The following RNF19A variants were observed in gnomAD, a reference collection of about 807,000 sequenced individuals.
The protein encoded by RNF19A is ring finger protein 19A, RBR E3 ubiquitin protein ligase, also known as E3 ubiquitin-protein ligase RNF19A.
In RNF19A, 32 loss-of-function variants were observed where a neutral mutation model predicts 75.7. The observed-to-expected ratio is 0.42, with a 90% confidence interval of 0.32 to 0.57. RNF19A has a LOEUF of 0.57. Ranked by LOEUF, RNF19A falls within the 20% of genes least tolerant of loss-of-function variation. RNF19A has a pLI of 0.10. For synonymous variants in RNF19A, 335 were observed against 345.2 expected, an observed-to-expected ratio of 0.97 and a Z score of 0.33; for missense variants, 782 against 1,036.3, an observed-to-expected ratio of 0.75 and a Z score of 3.37.
At chr8:100,328,660 C>T (rs979963516) in intron 1 of RNF19A, among the ~76,000 whole-genome samples, 1 of 151,956 alleles carries the variant, frequency 6.6e-6, no homozygotes, top group African/African-American at 2.4e-5. Context: ...TCAGTAGAGA[C>T]GGGGTTTCAC....
chr8:100,329,705 A>G lies in RNF19A; in HGVS notation c.-243+6403T>C, dbSNP rs1260485257. ...AAAGAACTGGTTGTACTTGGCTAAG[A>G]GAGAAAAGACTAGAGCAGAAATGAA... On this transcript the variant is annotated intron_variant, in intron 1 of 3. Coordinates refer to the RNF19A transcript ENST00000519527. The surrounding 1 kb of genome is among the most constrained non-coding windows in gnomAD (Gnocchi z 4.3). 3.9e-5 allele frequency among the ~76,000 whole-genome samples: 6 copies of G among 152,234 alleles called. No homozygotes were observed. Among genetic ancestry groups the G allele is most frequent in the Non-Finnish European group, 7.3e-5 (5 of 68,036 alleles).
intron 5 of RNF19A, among the ~76,000 whole-genome samples, chr8:100,267,179 C>A (rs548405365): frequency 6.6e-6 from 1 of 152,100 alleles, no homozygotes. Flanking sequence ...AATCATGGAA[C>A]TTATATTAAG....
At chr8:100,282,771 G>C (rs7836072) in intron 2 of RNF19A, among the ~76,000 whole-genome samples, 20,017 of 152,164 alleles carry the variant, frequency 0.13, 4,022 homozygotes, top group African/African-American at 0.43. Flanking sequence ...TGCAGGATGA[G>C]AATGAGTTAC....
At chr8:100,320,832 A>G (rs1360518779) in intron 1 of RNF19A, among the ~76,000 whole-genome samples, 1 of 152,238 alleles carries the variant, frequency 6.6e-6, no homozygotes, top group Non-Finnish European at 1.5e-5. Flanking sequence ...AAATATTGCA[A>G]TAAAACGAGA....
chr8:100,273,185 T>A (rs987050605), intron 3 of RNF19A, among the ~76,000 whole-genome samples: 1 of 152,200 alleles, frequency 6.6e-6, no homozygotes, highest in African/African-American at 2.4e-5. Context: ...TAAACAAACA[T>A]GGAACAAATT....
chr8:100,310,153 T>TCCCGCCCCCGGCCGC (rs1301595407), upstream of RNF19A: 1 of 984,034 alleles, frequency 1.0e-6, no homozygotes. Flanking sequence ...CACTTCTTCC[T>TCCCGCCCCCGGCCGC]CCCGCCCCCG....
intron 1 of RNF19A, among the ~76,000 whole-genome samples, chr8:100,308,168 C>G (rs1822133788): frequency 6.6e-6 from 1 of 152,140 alleles, no homozygotes; most frequent in African/African-American, 2.4e-5. Flanking sequence ...AAAAAATACA[C>G]TAACATTAGT....
At chr8:100,321,754 T>C (rs1328821530) in intron 1 of RNF19A, among the ~76,000 whole-genome samples, 3 of 152,236 alleles carry the variant, frequency 2.0e-5, no homozygotes, top group Admixed American at 6.5e-5. Flanking sequence ...GGGCTGCAGA[T>C]GGATGTTGGG....
Position 100,330,184 on chromosome 8 carries a change from C to T in RNF19A, c.-243+5924G>A, listed in dbSNP as rs1015727651. Among the ~76,000 whole-genome samples, 2 of 152,212 alleles carry T rather than the reference C, an allele frequency of 1.3e-5. No homozygotes were observed. The highest frequency in any genetic ancestry group is 4.8e-5 in the African/African-American group (2 of 41,468). ...TTGCTCCCACAATCTCCCCAACCTT[C>T]TCTAGCATCTTAACTTTTTCTCTCT... On this transcript the variant is annotated intron_variant, in intron 1 of 3. Transcript: ENST00000519527. The surrounding 1 kb of genome is among the most constrained non-coding windows in gnomAD (Gnocchi z 4.1).
chr8:100,289,017 G>A (rs934008521), intron 1 of RNF19A, among the ~76,000 whole-genome samples: 6 of 142,724 alleles, frequency 4.2e-5, no homozygotes, highest in South Asian at 2.2e-4. Context: ...CCGAGATTGC[G>A]CCGCTGCACT....
rs1378192617 is a variant in RNF19A, at chr8:100,258,097, C to G, written c.*459G>C. On this transcript the variant is annotated 3_prime_UTR_variant, in exon 10 of 10. Transcript: ENST00000341084. This position sits in a 1 kb window ranked among gnomAD's most constrained non-coding sequence, Gnocchi z 4.3. ...TATGCCGATATAAATAGAAATGTTACAGAGTATCATATACTGAGAGTAACC... is the reference window on the plus strand; with the variant it reads ...TATGCCGATATAAATAGAAATGTTAGAGAGTATCATATACTGAGAGTAACC... 3 of 398,636 alleles carry G rather than the reference C, an allele frequency of 7.5e-6. No individual in the cohort carries two copies. The highest frequency in any genetic ancestry group is 4.1e-5 in the African/African-American group (2 of 48,570). The allele number at this position is 398,636 out of a possible 1,614,324, so 24.7% of individuals were successfully genotyped here.
At position 100,295,305 on chromosome 8, in the gene RNF19A, G is replaced by A. The variant is rs149797213; in HGVS notation, c.-93-7038C>T. On this transcript the variant is annotated intron_variant, in intron 1 of 9. Coordinates refer to ENST00000341084, the MANE Select transcript of RNF19A (RefSeq NM_183419.4). ...AAAGCTTTCTTCCTAGTAGACTTTA[G>A]ATACTTTTGACAGCACTCTATTTTT... Among the ~76,000 whole-genome samples, 527 of 152,160 alleles carry A rather than the reference G, an allele frequency of 3.5e-3. 3 individuals are homozygous for A. The highest frequency in any genetic ancestry group is 0.012 in the African/African-American group (496 of 41,512).
chr8:100,262,782 T>C (rs1264854078), intron 7 of RNF19A, among the ~76,000 whole-genome samples: 1 of 152,132 alleles, frequency 6.6e-6, no homozygotes, highest in Non-Finnish European at 1.5e-5. Context: ...AAGAGGATGG[T>C]AGCTTGGACT....
intron 1 of RNF19A, among the ~76,000 whole-genome samples, chr8:100,306,675 T>G (rs560898245): frequency 1.3e-5 from 2 of 152,326 alleles, no homozygotes; most frequent in Admixed American, 1.3e-4. Flanking sequence ...GTGATTTCAC[T>G]GCCTGTTTGG....
At position 100,259,612 on chromosome 8, in the gene RNF19A, T is replaced by A. The variant is rs544759631; in HGVS notation, c.1826+242A>T. On this transcript the variant is annotated intron_variant, in intron 9 of 9. Coordinates refer to ENST00000341084, the MANE Select transcript of RNF19A (RefSeq NM_183419.4). This position sits in a 1 kb window ranked among gnomAD's most constrained non-coding sequence, Gnocchi z 4.5. ...ACCTAACTTCAGAACATTTTCATGATCCCAAAAAGGGATCTTGCATCCATT... is the reference window on the plus strand; with the variant it reads ...ACCTAACTTCAGAACATTTTCATGAACCCAAAAAGGGATCTTGCATCCATT... Among the ~76,000 whole-genome samples, 3 of 152,238 alleles carry A rather than the reference T, an allele frequency of 2.0e-5. No individual in the cohort carries two copies. The South Asian group carries it at 6.2e-4, about 32-fold the overall frequency.
chr8:100,290,193 C>T (rs968694208), intron 1 of RNF19A, among the ~76,000 whole-genome samples: 12 of 152,178 alleles, frequency 7.9e-5, no homozygotes, highest in African/African-American at 2.7e-4. Context: ...CGGCTCACTG[C>T]AGCCTCCATC....
intron 7 of RNF19A, among the ~76,000 whole-genome samples, chr8:100,263,568 C>G (rs915003808): frequency 2.0e-5 from 3 of 152,138 alleles, no homozygotes; most frequent in Non-Finnish European, 4.4e-5. Context: ...ATAGAACATG[C>G]ACTTTTTAAA....
chr8:100,264,222 C>A lies in RNF19A; in HGVS notation c.1307-27G>T, dbSNP rs1172026191. ...TAAAGAGAAATTAAATCAGTCATTA[C>A]AAACAACAACAACAAAATAACTCAC... is the stretch of plus-strand genomic sequence containing the variant. On this transcript the variant is annotated intron_variant, in intron 6 of 9. Transcript: ENST00000341084. This position sits in a 1 kb window ranked among gnomAD's most constrained non-coding sequence, Gnocchi z 4.7. 2.6e-6 allele frequency: 4 copies of A among 1,551,872 alleles called. No individual in the cohort carries two copies. Among genetic ancestry groups the A allele is most frequent in the African/African-American group, 1.4e-5 (1 of 72,746 alleles).
intron 1 of RNF19A, among the ~76,000 whole-genome samples, chr8:100,297,761 T>C (rs1660333): frequency 0.32 from 49,171 of 152,076 alleles, 8,622 homozygotes; most frequent in East Asian, 0.41. Context: ...CATGAGATTT[T>C]GGGTTTTCTG....
Sources: allele counts gnomAD v4.1 joint callset (sites outside exome capture counted in the v4.1 genomes callset), GRCh38; gene constraint gnomAD v4.1.1; non-coding constraint Gnocchi (gnomAD v3.1); transcripts MANE v1.5; gene names NCBI Gene and HGNC (gene_info 2026-07-23, HGNC 2026-07-21).